LRRC63: variants seen among roughly 807,000 people sequenced by gnomAD.
LRRC63 encodes the protein leucine-rich repeat-containing protein 63.
Under a neutral mutation model 49.5 loss-of-function variants are expected in LRRC63, and 40 were observed. The observed-to-expected ratio is 0.81, with a 90% CI of 0.63 to 1.05. LRRC63 has a LOEUF of 1.05. Among genes scored for constraint, LRRC63 ranks in the 50% least tolerant of loss-of-function variants. The probability of loss-of-function intolerance (pLI) is 0.00; values close to 1 mark genes in which losing one functional copy is unlikely to be tolerated. For synonymous variants in LRRC63, 191 were observed against 221.1 expected, an observed-to-expected ratio of 0.86 and a Z score of 1.21; for missense variants, 636 against 663.1, an observed-to-expected ratio of 0.96 and a Z score of 0.45.
chr13:46,250,514 A>G, intron 7 of LRRC63, 23 bp downstream of exon 7: 1 of 1,455,744 alleles, frequency 6.9e-7, no homozygotes, highest in Non-Finnish European at 9.2e-7. Context: ...GTCTGAGATT[A>G]TAAACACAGA....
chr13:46,274,845 G>A (rs2047810863), intron 9 of LRRC63, among the ~76,000 whole-genome samples: 1 of 151,864 alleles, frequency 6.6e-6, no homozygotes, highest in Non-Finnish European at 1.5e-5. Flanking sequence ...TCATTTCTTT[G>A]TGTTGTGAAC....
In LRRC63 at chr13:46,258,124, C is replaced by CTT. The variant is rs61630248; in HGVS notation, c.1227-3764_1227-3763dup. 3.6e-3 allele frequency among the ~76,000 whole-genome samples: 361 copies of CTT among 100,476 alleles called. 1 individual carries two copies. Among genetic ancestry groups the CTT allele is most frequent in the East Asian group, 5.3e-3 (17 of 3,188 alleles). The allele number at this position is 100,476 out of a possible 152,430, so 65.9% of individuals were successfully genotyped here. On this transcript the variant is annotated intron_variant, in intron 7 of 9. Transcript: ENST00000595396. Reference sequence around the variant, plus strand: ...AACTCTAGCAAGCCAGTGACCTACTCTTTTTTTTTTTTTTTTTTTTTTGAG... The same window carrying CTT: ...AACTCTAGCAAGCCAGTGACCTACTCTTTTTTTTTTTTTTTTTTTTTTTTGAG...
intron 2 of LRRC63, among the ~76,000 whole-genome samples, chr13:46,219,167 G>C (rs2046336800): frequency 6.6e-6 from 1 of 152,140 alleles, no homozygotes; most frequent in Admixed American, 6.5e-5. Flanking sequence ...GGTTGGGGAA[G>C]TTCTCCTGGA....
intron 5 of LRRC63, among the ~76,000 whole-genome samples, chr13:46,245,515 A>G (rs1401951304): frequency 6.6e-6 from 1 of 152,210 alleles, no homozygotes; most frequent in Non-Finnish European, 1.5e-5. Flanking sequence ...TCGTACCACA[A>G]CAGAAATAAA....
intron 2 of LRRC63, among the ~76,000 whole-genome samples, chr13:46,214,086 T>C (rs1272614222): frequency 2.0e-5 from 3 of 152,174 alleles, no homozygotes; most frequent in Non-Finnish European, 2.9e-5. Flanking sequence ...TTCTGTTGTA[T>C]GGTTTCTATT....
intron 7 of LRRC63, among the ~76,000 whole-genome samples, chr13:46,253,617 G>A (rs2047439537): frequency 6.6e-6 from 1 of 152,114 alleles, no homozygotes; most frequent in Non-Finnish European, 1.5e-5. Flanking sequence ...GGGAGGTAAT[G>A]AGAGCTTGGA....
chr13:46,262,279 A>T (rs756570482), intron 8 of LRRC63, among the ~76,000 whole-genome samples: 180 of 152,226 alleles, frequency 1.2e-3, no homozygotes, highest in Non-Finnish European at 2.1e-3. Context: ...TGTTTCATTT[A>T]TTTTTTGTGA....
chr13:46,215,827 CT>C (rs2046235419), intron 2 of LRRC63, among the ~76,000 whole-genome samples: 1 of 152,134 alleles, frequency 6.6e-6, no homozygotes, highest in South Asian at 2.1e-4. Flanking sequence ...TTTCAGTTTT[CT>C]GTGTATGGCT....
At chr13:46,217,313 C>G (rs982434350) in intron 2 of LRRC63, among the ~76,000 whole-genome samples, 2 of 152,146 alleles carry the variant, frequency 1.3e-5, no homozygotes, top group Non-Finnish European at 2.9e-5. Flanking sequence ...TTCAGGGACT[C>G]GACTTCTTCC....
chr13:46,267,740 T>TA (rs2047702350), intron 9 of LRRC63, among the ~76,000 whole-genome samples: 1 of 152,206 alleles, frequency 6.6e-6, no homozygotes, highest in Non-Finnish European at 1.5e-5. Context: ...AAGATGTCAA[T>TA]ATTCATGAAT....
chr13:46,270,071 G>T (rs1283335651), intron 9 of LRRC63: 2 of 585,368 alleles, frequency 3.4e-6, no homozygotes, highest in Non-Finnish European at 6.2e-6. Context: ...GGCGCCTGAG[G>T]TCACCATGGC....
intron 6 of LRRC63, among the ~76,000 whole-genome samples, chr13:46,249,054 A>C (rs1202332586): frequency 6.6e-6 from 1 of 151,934 alleles, no homozygotes; most frequent in African/African-American, 2.4e-5. Context: ...GGGTCAAAGA[A>C]TAAGTTATAA....
chr13:46,264,437 T>TTTAGTTAG (rs140900422), intron 8 of LRRC63, among the ~76,000 whole-genome samples: 15,673 of 151,452 alleles, frequency 0.1, 1,457 homozygotes, highest in African/African-American at 0.25. Flanking sequence ...TATTTATTTA[T>TTTAGTTAG]TTAGTTAGTT....
intron 5 of LRRC63, among the ~76,000 whole-genome samples, chr13:46,236,346 T>C (rs549785592): frequency 6.6e-6 from 1 of 152,188 alleles, no homozygotes; most frequent in South Asian, 2.1e-4. Flanking sequence ...AGAAGGATAA[T>C]TGCCAAGAAA....
chr13:46,269,178 A>G (rs2047721799), intron 9 of LRRC63, among the ~76,000 whole-genome samples: 1 of 151,798 alleles, frequency 6.6e-6, no homozygotes, highest in African/African-American at 2.4e-5. Context: ...TGTATATGGA[A>G]AAGGAGAAGA....
chr13:46,229,913 A>G (rs1049977504), intron 4 of LRRC63, among the ~76,000 whole-genome samples: 13 of 152,182 alleles, frequency 8.5e-5, no homozygotes, highest in African/African-American at 2.4e-4. Context: ...CATGGTATAC[A>G]GCAAAGTGGG....
intron 7 of LRRC63, among the ~76,000 whole-genome samples, chr13:46,259,522 G>T (rs2047581097): frequency 1.3e-5 from 2 of 152,158 alleles, no homozygotes; most frequent in Non-Finnish European, 2.9e-5. Flanking sequence ...TGGCAGGTAG[G>T]TTCTTCGGGA....
intron 7 of LRRC63, among the ~76,000 whole-genome samples, chr13:46,253,957 G>A (rs1400949832): frequency 6.6e-6 from 1 of 152,132 alleles, no homozygotes; most frequent in Non-Finnish European, 1.5e-5. Context: ...AAACATCTGT[G>A]TTTCAAATAC....
At chr13:46,275,539 G>C (rs953729042) in intron 9 of LRRC63, among the ~76,000 whole-genome samples, 1 of 151,622 alleles carries the variant, frequency 6.6e-6, no homozygotes, top group Non-Finnish European at 1.5e-5. Flanking sequence ...ATCTTATTAT[G>C]GTTTTGATTT....
Sources: gnomAD v4.1 joint callset for allele counts (sites outside exome capture counted in the v4.1 genomes callset) on GRCh38, gnomAD v4.1.1 for gene constraint, MANE v1.5 for transcripts, NCBI Gene and HGNC (gene_info 2026-07-23, HGNC 2026-07-21) for gene names.